The following RERE variants were observed in gnomAD, a reference collection of about 807,000 sequenced individuals.
RERE encodes the protein arginine-glutamic acid dipeptide repeats.
In RERE, 40 loss-of-function variants were observed where a neutral mutation model predicts 146.1. The ratio of observed to expected loss-of-function variants is 0.27; its 90% CI spans 0.21 to 0.36. The LOEUF is 0.36. Ranked by LOEUF, RERE falls within the 10% of genes least tolerant of loss-of-function variation. The probability of loss-of-function intolerance (pLI) is 1.00; values close to 1 mark genes in which losing one functional copy is unlikely to be tolerated. For synonymous variants in RERE, 1,003 were observed against 866.0 expected, an observed-to-expected ratio of 1.16 and a Z score of -2.78; for missense variants, 1,933 against 2,138.7, an observed-to-expected ratio of 0.90 and a Z score of 1.90.
At chr1:8,523,962 T>A (rs1367826094) in intron 7 of RERE, among the ~76,000 whole-genome samples, 1 of 152,242 alleles carries the variant, frequency 6.6e-6, no homozygotes, top group East Asian at 1.9e-4. Context: ...TTCTCCTGAC[T>A]CAAACAATGA....
intron 12 of RERE, among the ~76,000 whole-genome samples, chr1:8,379,700 C>A (rs1364507101): frequency 6.6e-6 from 1 of 152,178 alleles, no homozygotes; most frequent in African/African-American, 2.4e-5. Flanking sequence ...GTGGGGCCCA[C>A]AGGGGGCACG....
At chr1:8,607,879 C>A (rs1646740895) in intron 4 of RERE, among the ~76,000 whole-genome samples, 1 of 151,946 alleles carries the variant, frequency 6.6e-6, no homozygotes, top group Non-Finnish European at 1.5e-5. Context: ...GCGCCCGCCA[C>A]CACGCCTGGC....
intron 2 of RERE, among the ~76,000 whole-genome samples, chr1:8,629,953 G>C (rs1207853804): frequency 6.6e-6 from 1 of 152,182 alleles, no homozygotes; most frequent in Admixed American, 6.5e-5. Context: ...ACCAAGCTGG[G>C]TGGCACAGCG....
intron 2 of RERE, among the ~76,000 whole-genome samples, chr1:8,629,891 T>C (rs1647014901): frequency 6.6e-6 from 1 of 152,194 alleles, no homozygotes; most frequent in African/African-American, 2.4e-5. Flanking sequence ...GAAAACCCCA[T>C]TGTAAAAAGC....
At chr1:8,441,281 A>AT (rs1400105990) in intron 11 of RERE, among the ~76,000 whole-genome samples, 3 of 152,042 alleles carry the variant, frequency 2.0e-5, no homozygotes, top group Non-Finnish European at 4.4e-5. Flanking sequence ...CACAAAAGAC[A>AT]TTTTTTTCCT....
chr1:8,620,223 G>A (rs1646901132), intron 3 of RERE, among the ~76,000 whole-genome samples: 1 of 152,170 alleles, frequency 6.6e-6, no homozygotes, highest in Non-Finnish European at 1.5e-5. Flanking sequence ...AAGCTAGCCA[G>A]GTGAGAGCTC....
chr1:8,723,645 A>C (rs1257626560), intron 1 of RERE, among the ~76,000 whole-genome samples: 1 of 152,232 alleles, frequency 6.6e-6, no homozygotes, highest in Admixed American at 6.5e-5. Context: ...GCAAGTGCTT[A>C]ATGTTAGGTA....
rs191903078 is a variant in RERE at position 8,672,322 on chromosome 1, T to A, written c.-144-15881A>T. ...CAGAGTAGCTGGGACTACAGGTACG[T>A]ATCACCACACCTGGCTAAGTTTCCT... is the stretch of plus-strand genomic sequence containing the variant. On this transcript the variant is annotated intron_variant, in intron 1 of 22. Coordinates refer to ENST00000400908, the MANE Select transcript of RERE (RefSeq NM_001042681.2). Among the ~76,000 whole-genome samples the A allele has an allele frequency of 7.3e-4, 111 of 152,132 alleles. 1 individual carries two copies. The highest frequency in any genetic ancestry group is 2.6e-3 in the African/African-American group (108 of 41,522).
At chr1:8,814,350 T>C (rs1641871169) in intron 1 of RERE, among the ~76,000 whole-genome samples, 1 of 152,244 alleles carries the variant, frequency 6.6e-6, no homozygotes, top group South Asian at 2.1e-4. Flanking sequence ...GAGACATTTA[T>C]TAAGCAGATT....
At chr1:8,601,954 C>T (rs1357046065) in intron 4 of RERE, among the ~76,000 whole-genome samples, 1 of 152,156 alleles carries the variant, frequency 6.6e-6, no homozygotes, top group Non-Finnish European at 1.5e-5. Context: ...TGTCTGTAGG[C>T]TGCAACCAAG....
At position 8,520,754 on chromosome 1, in the gene RERE, TA is replaced by T. The variant is rs145670197; in HGVS notation, c.831-12080del. ...ATGGAGATTCAGCCAAAAAACTTTTTAAAAAAAAAAAAAAAAAAAAAACCAC... is the reference window on the plus strand; with the variant it reads ...ATGGAGATTCAGCCAAAAAACTTTTTAAAAAAAAAAAAAAAAAAAAACCAC... On this transcript the variant is annotated intron_variant, in intron 7 of 22. Coordinates refer to ENST00000400908, the MANE Select transcript of RERE (RefSeq NM_001042681.2). 1.1e-3 allele frequency among the ~76,000 whole-genome samples: 106 copies of T among 92,994 alleles called. No homozygotes were observed. The Middle Eastern group carries it at 0.028, about 24-fold the overall frequency. 61.0% of individuals were successfully genotyped at this position (92,994 alleles called of 152,430 possible).
chr1:8,693,392 T>G (rs936379890), intron 1 of RERE, among the ~76,000 whole-genome samples: 1 of 152,222 alleles, frequency 6.6e-6, no homozygotes. Context: ...CACAGCTACA[T>G]GATGGAATAT....
chr1:8,500,881 G>A (rs1570347561), intron 8 of RERE, among the ~76,000 whole-genome samples: 1 of 151,504 alleles, frequency 6.6e-6, no homozygotes, highest in Non-Finnish European at 1.5e-5. Flanking sequence ...GGGATGTGAG[G>A]AGCGCCTCTG....
intron 1 of RERE, among the ~76,000 whole-genome samples, chr1:8,691,736 G>A (rs547892538): frequency 6.6e-6 from 1 of 152,336 alleles, no homozygotes; most frequent in East Asian, 1.9e-4. Context: ...CATCAGGAGA[G>A]CCTATCCAAA....
intron 4 of RERE, among the ~76,000 whole-genome samples, chr1:8,588,580 T>A (rs777401296): frequency 9.9e-5 from 15 of 152,098 alleles, no homozygotes; most frequent in Non-Finnish European, 1.9e-4. Flanking sequence ...CATTACAGGA[T>A]AAAAAGATAA....
intron 10 of RERE, among the ~76,000 whole-genome samples, chr1:8,484,340 T>C (rs1296325541): frequency 6.6e-6 from 1 of 152,172 alleles, no homozygotes; most frequent in Non-Finnish European, 1.5e-5. Context: ...CACAGAAATA[T>C]TTCCACACAA....
chr1:8,806,985 C>A (rs935506157), intron 1 of RERE: 3 of 152,186 alleles, frequency 2.0e-5, no homozygotes, highest in South Asian at 4.1e-4. Context: ...GTCAGTTTTC[C>A]ACATGGCAAA....
intron 8 of RERE, among the ~76,000 whole-genome samples, chr1:8,504,832 G>A (rs532205897): frequency 1.3e-5 from 2 of 151,762 alleles, no homozygotes; most frequent in Non-Finnish European, 2.9e-5. Context: ...CAGCCTGGGC[G>A]ACCGAGTGAG....
intron 12 of RERE, among the ~76,000 whole-genome samples, chr1:8,391,257 G>A (rs562562445): frequency 6.6e-6 from 1 of 152,300 alleles, no homozygotes; most frequent in East Asian, 1.9e-4. Flanking sequence ...GTATTTCCAA[G>A]TTGTACATAC....
Sources: gnomAD v4.1 joint callset for allele counts (sites outside exome capture counted in the v4.1 genomes callset) on GRCh38, gnomAD v4.1.1 for gene constraint, MANE v1.5 for transcripts, NCBI Gene and HGNC (gene_info 2026-07-23, HGNC 2026-07-21) for gene names.